DTNB: variants seen among roughly 807,000 people sequenced by gnomAD.
DTNB encodes dystrobrevin beta, also known as DTN-B.
In DTNB, 63 loss-of-function variants were observed where a neutral mutation model predicts 90.7. That is an observed-to-expected ratio of 0.69 (90% CI 0.57 to 0.86). The LOEUF (loss-of-function observed/expected upper bound fraction) is 0.86. Among genes scored for constraint, DTNB ranks in the 40% least tolerant of loss-of-function variants. The probability of loss-of-function intolerance (pLI) is 0.00; values close to 1 mark genes in which losing one functional copy is unlikely to be tolerated. For synonymous variants in DTNB, 277 were observed against 286.7 expected, an observed-to-expected ratio of 0.97 and a Z score of 0.34; for missense variants, 744 against 807.1, an observed-to-expected ratio of 0.92 and a Z score of 0.95.
At chr2:25,487,931 C>A (rs2066531728) in intron 9 of DTNB, among the ~76,000 whole-genome samples, 3 of 152,140 alleles carry the variant, frequency 2.0e-5, no homozygotes, top group Admixed American at 2.0e-4. Flanking sequence ...GAATGTAAGA[C>A]AAACACCAAT....
intron 16 of DTNB, among the ~76,000 whole-genome samples, chr2:25,417,494 G>A (rs546693289): frequency 6.6e-5 from 10 of 152,314 alleles, no homozygotes; most frequent in African/African-American, 2.4e-4. Context: ...CTACTGCTAC[G>A]ACTAAGACCA....
chr2:25,569,784 A>G (rs956852684), intron 8 of DTNB, among the ~76,000 whole-genome samples: 16 of 152,276 alleles, frequency 1.1e-4, no homozygotes, highest in African/African-American at 3.9e-4. Flanking sequence ...GAGTCTTCTA[A>G]AATTCCAATA....
chr2:25,512,494 A>T (rs2074151476), intron 9 of DTNB, among the ~76,000 whole-genome samples: 3 of 152,252 alleles, frequency 2.0e-5, no homozygotes, highest in African/African-American at 7.2e-5. Context: ...TTGAAGGTGC[A>T]AAGAAAGTGC....
At chr2:25,587,349 T>C (rs1433672840) in intron 6 of DTNB, among the ~76,000 whole-genome samples, 1 of 152,212 alleles carries the variant, frequency 6.6e-6, no homozygotes, top group Admixed American at 6.5e-5. Flanking sequence ...ATTGAGCCAC[T>C]GAATAAAGTG....
chr2:25,546,249 T>C (rs945178655), intron 8 of DTNB, among the ~76,000 whole-genome samples: 13 of 152,342 alleles, frequency 8.5e-5, no homozygotes, highest in African/African-American at 2.9e-4. Flanking sequence ...TTCCCTATAA[T>C]AGACAACCCT....
At chr2:25,480,901 T>C (rs1420835254) in intron 10 of DTNB, among the ~76,000 whole-genome samples, 1 of 152,124 alleles carries the variant, frequency 6.6e-6, no homozygotes, top group Non-Finnish European at 1.5e-5. Flanking sequence ...AATATCTAGG[T>C]AGGTGGGACA....
At chr2:25,652,713 C>T (rs1034390168) in intron 1 of DTNB, 52 bp from the exon 2 acceptor site, 8 of 1,580,508 alleles carry the variant, frequency 5.1e-6, no homozygotes, top group African/African-American at 2.7e-5. Context: ...ACAATTCAAT[C>T]AAGTGCTAAT....
chr2:25,384,034 C>A, intron 18 of DTNB, 145 bp from the exon 19 acceptor site: 1 of 1,531,248 alleles, frequency 6.5e-7, no homozygotes, highest in Non-Finnish European at 8.7e-7. Flanking sequence ...CTTCAGCTCA[C>A]CAGTCTGCAC....
intron 8 of DTNB, among the ~76,000 whole-genome samples, chr2:25,573,017 T>G (rs1382157110): frequency 1.3e-5 from 2 of 152,008 alleles, no homozygotes; most frequent in Non-Finnish European, 2.9e-5. Context: ...CTCGGCTCAC[T>G]GCAACCTCAA....
chr2:25,389,651 A>G (rs1320357538), intron 16 of DTNB, among the ~76,000 whole-genome samples: 1 of 152,196 alleles, frequency 6.6e-6, no homozygotes, highest in East Asian at 1.9e-4. Flanking sequence ...TAGAAGCCAA[A>G]GTGTGAGAGT....
At position 25,649,961 on chromosome 2, in the gene DTNB, A is replaced by G. The variant is rs1351612317; in HGVS notation, c.67+2633T>C. On this transcript the variant is annotated intron_variant, in intron 2 of 20. Transcript: ENST00000406818. ...GGTGGGGCTTCCAGCAGCAGACACT[A>G]TAGTCACCCATGCAATTCTTCCTGT... The G allele has an allele frequency of 1.8e-5, 17 of 959,210 alleles. 1 individual carries two copies. The South Asian group carries it at 5.8e-4, about 33-fold the overall frequency. 59.4% of individuals were successfully genotyped at this position (959,210 alleles called of 1,614,324 possible).
At chr2:25,508,848 A>G (rs1177399831) in intron 9 of DTNB, among the ~76,000 whole-genome samples, 1 of 152,132 alleles carries the variant, frequency 6.6e-6, no homozygotes, top group Non-Finnish European at 1.5e-5. Flanking sequence ...AATTTCTTTC[A>G]GCAATACTTT....
intron 1 of DTNB, among the ~76,000 whole-genome samples, chr2:25,664,432 C>T (rs2083922724): frequency 6.6e-6 from 1 of 152,166 alleles, no homozygotes; most frequent in Non-Finnish European, 1.5e-5. Context: ...GACCACTAAA[C>T]CCAGCAGAGG....
At chr2:25,437,600 A>G (rs1435385564) in intron 12 of DTNB, among the ~76,000 whole-genome samples, 1 of 152,176 alleles carries the variant, frequency 6.6e-6, no homozygotes, top group Non-Finnish European at 1.5e-5. Context: ...CTCATTAAGA[A>G]GAAGAAGAAG....
intron 16 of DTNB, among the ~76,000 whole-genome samples, chr2:25,411,359 CAA>C (rs1299386968): frequency 8.4e-6 from 1 of 119,722 alleles, no homozygotes; most frequent in Non-Finnish European, 1.8e-5. Context: ...AACTCCGTTT[CAA>C]AAAAAAAAAA....
intron 2 of DTNB, among the ~76,000 whole-genome samples, chr2:25,644,537 C>T (rs887839944): frequency 2.6e-5 from 4 of 152,156 alleles, no homozygotes; most frequent in Non-Finnish European, 4.4e-5. Context: ...AGCTGAATCA[C>T]CTGATCAGGA....
chr2:25,383,423 G>A (rs1408512350), intron 19 of DTNB, among the ~76,000 whole-genome samples: 2 of 151,916 alleles, frequency 1.3e-5, no homozygotes, highest in Non-Finnish European at 2.9e-5. Flanking sequence ...TCACTATGTT[G>A]GCCAGCCTGC....
intron 11 of DTNB, among the ~76,000 whole-genome samples, chr2:25,452,722 A>T (rs868762600): frequency 6.6e-6 from 1 of 151,954 alleles, no homozygotes; most frequent in African/African-American, 2.4e-5. Flanking sequence ...GTGTAGAATC[A>T]ACTATATTTT....
intron 4 of DTNB, among the ~76,000 whole-genome samples, chr2:25,625,410 C>A (rs1176199152): frequency 1.3e-5 from 2 of 152,018 alleles, no homozygotes; most frequent in African/African-American, 4.8e-5. Context: ...GCCAAATAAG[C>A]TCTATTATAT....
Sources: allele counts gnomAD v4.1 joint callset (sites outside exome capture counted in the v4.1 genomes callset), GRCh38; gene constraint gnomAD v4.1.1; transcripts MANE v1.5; gene names NCBI Gene and HGNC (gene_info 2026-07-23, HGNC 2026-07-21).